Variants in CAST observed in about 807,000 individuals in gnomAD.
CAST encodes the protein calpastatin.
Under a neutral mutation model 119.6 loss-of-function variants are expected in CAST, and 76 were observed. That is an observed-to-expected ratio of 0.64 (90% confidence interval 0.53 to 0.77). The LOEUF is 0.77. Ranked by LOEUF, CAST falls within the 30% of genes least tolerant of loss-of-function variation. The probability of loss-of-function intolerance (pLI) is 0.00; values close to 1 mark genes in which losing one functional copy is unlikely to be tolerated. For synonymous variants in CAST, 319 were observed against 331.6 expected, an observed-to-expected ratio of 0.96 and a Z score of 0.41; for missense variants, 953 against 946.5, an observed-to-expected ratio of 1.01 and a Z score of -0.09.
chr5:96,588,299 T>G (rs976894030), intron 1 of CAST, among the ~76,000 whole-genome samples: 6 of 139,972 alleles, frequency 4.3e-5, no homozygotes, highest in Non-Finnish European at 9.0e-5. Context: ...CCTCCCAGGT[T>G]CAAGCAATTC....
chr5:96,305,794 G>A, the CAST span, among the ~76,000 whole-genome samples: 5 of 151,802 alleles, frequency 3.3e-5, no homozygotes, highest in Non-Finnish European at 1.5e-5. Flanking sequence ...TGCATCCCAG[G>A]GATGAAGCTG....
At chr5:96,490,241 G>C in the CAST span, among the ~76,000 whole-genome samples, 11 of 152,208 alleles carry the variant, frequency 7.2e-5, no homozygotes, top group African/African-American at 2.4e-4. Flanking sequence ...GCCTGCAGTT[G>C]CCCACCTGCC....
At chr5:96,477,483 C>T in the CAST span, among the ~76,000 whole-genome samples, 1 of 152,218 alleles carries the variant, frequency 6.6e-6, no homozygotes, top group African/African-American at 2.4e-5. Context: ...ACCACTTTCA[C>T]AATTTGCTTT....
At chr5:96,481,585 A>G in the CAST span, among the ~76,000 whole-genome samples, 1 of 152,182 alleles carries the variant, frequency 6.6e-6, no homozygotes, top group Non-Finnish European at 1.5e-5. Context: ...CACTTCAGGA[A>G]CTATCTTTAA....
chr5:96,491,490 C>CAAAAAAAAAAAAAAAAAAA, the CAST span, among the ~76,000 whole-genome samples: 5 of 56,788 alleles, frequency 8.8e-5, no homozygotes, highest in African/African-American at 1.6e-4. Flanking sequence ...GACTCCATCT[C>CAAAAAAAAAAAAAAAAAAA]AAAAAAAAAA....
the CAST span, among the ~76,000 whole-genome samples, chr5:96,118,484 T>C: frequency 2.0e-5 from 3 of 152,268 alleles, no homozygotes; most frequent in African/African-American, 7.2e-5. Context: ...TCCACTGTGC[T>C]GAGCAAAAAA....
At chr5:96,586,762 C>G (rs1315448933) in intron 1 of CAST, among the ~76,000 whole-genome samples, 1 of 152,158 alleles carries the variant, frequency 6.6e-6, no homozygotes, top group African/African-American at 2.4e-5. Context: ...AATTACATAC[C>G]TACCATGAGT....
intron 1 of CAST, among the ~76,000 whole-genome samples, chr5:96,638,267 G>T (rs1177758682): frequency 1.3e-5 from 2 of 151,930 alleles, no homozygotes; most frequent in African/African-American, 4.8e-5. Context: ...TTAGCCAGCC[G>T]TGGTGGTACA....
the CAST span, among the ~76,000 whole-genome samples, chr5:96,301,711 C>G: frequency 6.6e-6 from 1 of 152,202 alleles, no homozygotes; most frequent in African/African-American, 2.4e-5. Context: ...CCTTTGACTT[C>G]CTGTCTCACA....
the CAST span, among the ~76,000 whole-genome samples, chr5:96,107,840 C>T: frequency 6.6e-6 from 1 of 152,194 alleles, no homozygotes; most frequent in Non-Finnish European, 1.5e-5. Flanking sequence ...TTTCCATTCT[C>T]CCTGTCACTT....
At chr5:96,402,550 C>G in the CAST span, among the ~76,000 whole-genome samples, 1 of 152,168 alleles carries the variant, frequency 6.6e-6, no homozygotes, top group Non-Finnish European at 1.5e-5. Context: ...ACCTCAGAGT[C>G]CATAAAATTG....
At chr5:96,050,541 A>G in the CAST span, among the ~76,000 whole-genome samples, 1 of 152,224 alleles carries the variant, frequency 6.6e-6, no homozygotes, top group African/African-American at 2.4e-5. Flanking sequence ...ATGTTGAGGA[A>G]GTTCATGCTG....
chr5:96,313,414 T>C, the CAST span, among the ~76,000 whole-genome samples: 1 of 152,180 alleles, frequency 6.6e-6, no homozygotes, highest in East Asian at 1.9e-4. Flanking sequence ...CCAAATATCA[T>C]ATAAATTGAA....
intron 3 of CAST, among the ~76,000 whole-genome samples, chr5:96,701,069 A>G (rs1410335729): frequency 6.6e-6 from 1 of 152,084 alleles, no homozygotes; most frequent in African/African-American, 2.4e-5. Flanking sequence ...CTGGGATTAC[A>G]GGCAAGCACC....
chr5:96,033,368 G>A, the CAST span, among the ~76,000 whole-genome samples: 2 of 152,030 alleles, frequency 1.3e-5, no homozygotes, highest in Non-Finnish European at 2.9e-5. Flanking sequence ...AAGTGTAGAG[G>A]TAGAGGTATC....
chr5:96,541,232 T>C (rs959455115), intron 1 of CAST, among the ~76,000 whole-genome samples: 3 of 152,234 alleles, frequency 2.0e-5, no homozygotes, highest in African/African-American at 7.2e-5. Flanking sequence ...AATCCAATAC[T>C]ACTTTATTTT....
rs753224674 is a variant in CAST, at chr5:96,695,818, A to G, written c.139-18A>G. The G allele has an allele frequency of 3.2e-6, 5 of 1,579,066 alleles. No homozygotes were observed. Among genetic ancestry groups the G allele is most frequent in the South Asian group, 1.1e-5 (1 of 89,706 alleles). On this transcript the variant is annotated intron_variant, in intron 2 of 31. Coordinates refer to ENST00000675179, the MANE Select transcript of CAST (RefSeq NM_001750.7). ...AAGGTGTTTTCCCCCATTGAAACTA[A>G]TATTTTCTATTTTCAAGAAAAAAGC...
the CAST span, among the ~76,000 whole-genome samples, chr5:96,320,060 G>C: frequency 6.6e-6 from 1 of 151,498 alleles, no homozygotes; most frequent in Non-Finnish European, 1.5e-5. Flanking sequence ...TTGAATCCCT[G>C]TGTCGCCCTG....
the CAST span, among the ~76,000 whole-genome samples, chr5:96,133,161 G>A: frequency 6.6e-6 from 1 of 152,042 alleles, no homozygotes; most frequent in Non-Finnish European, 1.5e-5. Context: ...TGAAGCAAAA[G>A]AATAAAGTAG....
Sources: allele counts gnomAD v4.1 joint callset (sites outside exome capture counted in the v4.1 genomes callset), GRCh38; gene constraint gnomAD v4.1.1; transcripts MANE v1.5; gene names NCBI Gene and HGNC (gene_info 2026-07-23, HGNC 2026-07-21).